DHDDS: variants seen among roughly 807,000 people sequenced by gnomAD.
The protein encoded by DHDDS is dehydrodolichyl diphosphate synthase subunit.
In DHDDS, 16 loss-of-function variants were observed where a neutral mutation model predicts 46.2. The observed-to-expected ratio is 0.35, with a 90% CI of 0.23 to 0.53. The LOEUF (loss-of-function observed/expected upper bound fraction) is 0.53, where lower values mean the gene tolerates loss of function less well. Among genes scored for constraint, DHDDS ranks in the 20% least tolerant of loss-of-function variants. The pLI, the probability that DHDDS is intolerant of heterozygous loss-of-function variation, is 0.94. For synonymous variants in DHDDS, 151 were observed against 163.1 expected (o/e 0.93, Z 0.56); for missense variants, 340 against 423.7 (o/e 0.80, Z 1.73).
At position 26,442,748 on chromosome 1, in the gene DHDDS, G is replaced by A. The variant is rs1308665778; in HGVS notation, c.198G>A (p.Leu66=). 1 of 1,613,976 alleles carries A rather than the reference G, an allele frequency of 6.2e-7. No homozygotes were observed. The highest frequency in any genetic ancestry group is 1.3e-5 in the African/African-American group (1 of 74,892). Residue 66 remains leucine, a synonymous_variant, in exon 4 of 9, where the codon TTG becomes TTA. Transcript: ENST00000236342. ...CCTCTCAGACTCTGCGGTGGTGTTT[G>A]AACCTGGGCATCCTAGAGGTGACAG... is the stretch of plus-strand genomic sequence containing the variant. ...NKLAETLRWC[L]NLGILEVTVY...
At chr1:26,435,102 C>T (rs2124347087) in intron 2 of DHDDS, among the ~76,000 whole-genome samples, 1 of 151,538 alleles carries the variant, frequency 6.6e-6, no homozygotes, top group Middle Eastern at 3.5e-3. Flanking sequence ...CTCTGCCTCC[C>T]CGGTTCAAAC....
chr1:26,456,562 T>A (rs2075372011), intron 6 of DHDDS, among the ~76,000 whole-genome samples: 1 of 152,026 alleles, frequency 6.6e-6, no homozygotes, highest in Non-Finnish European at 1.5e-5. Flanking sequence ...CCAGCTAATT[T>A]TTGTACTTTT....
chr1:26,462,410 C>T (rs904431830), intron 8 of DHDDS, among the ~76,000 whole-genome samples: 1 of 152,130 alleles, frequency 6.6e-6, no homozygotes, highest in Non-Finnish European at 1.5e-5. Flanking sequence ...GCTGTTTGCT[C>T]TAAGTTAGAT....
chr1:26,467,465 T>A (rs1372687646), intron 8 of DHDDS: 5 of 397,828 alleles, frequency 1.3e-5, no homozygotes, highest in Non-Finnish European at 2.7e-5. Context: ...GGGGGGACAG[T>A]CCAGAATTCT....
chr1:26,434,082 A>C (rs1441892095), intron 2 of DHDDS, among the ~76,000 whole-genome samples: 1 of 152,214 alleles, frequency 6.6e-6, no homozygotes. Flanking sequence ...TAACAACTGT[A>C]GAATTATCAT....
intron 6 of DHDDS, chr1:26,455,101 A>C (rs1303041210): frequency 1.2e-6 from 1 of 806,794 alleles, no homozygotes; most frequent in Non-Finnish European, 2.2e-6. Context: ...CAGTTTCACG[A>C]ATATTCTTAA....
intron 6 of DHDDS, among the ~76,000 whole-genome samples, chr1:26,457,230 G>A (rs1231885552): frequency 6.6e-6 from 1 of 151,692 alleles, no homozygotes; most frequent in Non-Finnish European, 1.5e-5. Context: ...AGGCCGAGGG[G>A]GGGGCGGATC....
chr1:26,434,202 C>T (rs547606888), intron 2 of DHDDS, among the ~76,000 whole-genome samples: 1 of 152,258 alleles, frequency 6.6e-6, no homozygotes, highest in South Asian at 2.1e-4. Flanking sequence ...CCTATCTTCC[C>T]CAAATCTTCC....
chr1:26,454,039 C>T lies in DHDDS; in HGVS notation c.543-3752C>T, dbSNP rs536053292. ...TGCAATCTCGGCTCACTACAAGCTC[C>T]GCCTCCCGGGTTCACGCCATTCTCC... On this transcript the variant is annotated intron_variant, in intron 6 of 8. Transcript: ENST00000236342. Among the ~76,000 whole-genome samples the T allele has an allele frequency of 1.5e-3, 228 of 152,020 alleles. 2 individuals carry two copies. Among genetic ancestry groups the T allele is most frequent in the Middle Eastern group, 3.4e-3 (1 of 294 alleles).
At chr1:26,455,648 G>A (rs1428778421) in intron 6 of DHDDS, among the ~76,000 whole-genome samples, 1 of 152,182 alleles carries the variant, frequency 6.6e-6, no homozygotes, top group Non-Finnish European at 1.5e-5. Flanking sequence ...TTGGGAGGCT[G>A]AGGCAAGAGA....
At chr1:26,464,315 G>A (rs2075459850) in intron 8 of DHDDS, among the ~76,000 whole-genome samples, 1 of 151,146 alleles carries the variant, frequency 6.6e-6, no homozygotes, top group African/African-American at 2.5e-5. Flanking sequence ...CTTTTATTGA[G>A]TTCTTACCAC....
intron 6 of DHDDS, among the ~76,000 whole-genome samples, chr1:26,452,778 G>C (rs1202927846): frequency 1.3e-5 from 2 of 152,092 alleles, no homozygotes; most frequent in Non-Finnish European, 2.9e-5. Flanking sequence ...TCATAGCAAA[G>C]CTGAAATGAA....
At chr1:26,454,157 G>A (rs925392429) in intron 6 of DHDDS, among the ~76,000 whole-genome samples, 1 of 152,128 alleles carries the variant, frequency 6.6e-6, no homozygotes, top group Admixed American at 6.6e-5. Flanking sequence ...GTTTCATCGT[G>A]TTAGCCAGGA....
intron 6 of DHDDS, among the ~76,000 whole-genome samples, chr1:26,453,118 A>T (rs1389230513): frequency 6.6e-6 from 1 of 151,978 alleles, no homozygotes; most frequent in African/African-American, 2.4e-5. Context: ...ACACACACAC[A>T]CACACTCACT....
At chr1:26,463,061 G>T (rs1196849322) in intron 8 of DHDDS, among the ~76,000 whole-genome samples, 2 of 152,216 alleles carry the variant, frequency 1.3e-5, no homozygotes, top group African/African-American at 4.8e-5. Flanking sequence ...TGAGGCTAGA[G>T]TCAGACCTTG....
intron 6 of DHDDS, among the ~76,000 whole-genome samples, chr1:26,451,747 G>A (rs539504488): frequency 2.6e-5 from 4 of 151,390 alleles, no homozygotes; most frequent in Non-Finnish European, 1.5e-5. Flanking sequence ...TCCTGCCTCA[G>A]CCTCCTGAGT....
At position 26,436,372 on chromosome 1, in the gene DHDDS, T is replaced by C. The variant is rs373326223; in HGVS notation, c.64-1796T>C. ...CCTGAGATAACACCACCACACTCCA[T>C]CCACCTTGGGTAATAGAGTAAGACT... On this transcript the variant is annotated intron_variant, in intron 2 of 8. Transcript: ENST00000236342. 1.7e-3 allele frequency among the ~76,000 whole-genome samples: 260 copies of C among 152,062 alleles called. 12 individuals are homozygous for C. In the South Asian group the frequency reaches 0.051, roughly 30 times the overall value.
At chr1:26,444,472 C>T (rs1362350742) in intron 4 of DHDDS, among the ~76,000 whole-genome samples, 2 of 152,196 alleles carry the variant, frequency 1.3e-5, no homozygotes, top group Non-Finnish European at 2.9e-5. Context: ...AGCAAGGTGG[C>T]TCATGCCTGT....
intron 3 of DHDDS, among the ~76,000 whole-genome samples, chr1:26,438,979 C>A (rs751934075): frequency 5.9e-5 from 9 of 152,152 alleles, no homozygotes; most frequent in Non-Finnish European, 1.2e-4. Flanking sequence ...GTTGCCCAGG[C>A]CAGAGTACAG....
Sources: gnomAD v4.1 joint callset for allele counts (sites outside exome capture counted in the v4.1 genomes callset) on GRCh38, gnomAD v4.1.1 for gene constraint, MANE v1.5 for transcripts, NCBI Gene and HGNC (gene_info 2026-07-23, HGNC 2026-07-21) for gene names.